The following CSMD1 variants were observed in gnomAD, a reference collection of about 807,000 sequenced individuals.
CSMD1 encodes CUB and sushi domain-containing protein 1.
A neutral mutation model predicts 417.5 loss-of-function variants in CSMD1; 213 were observed. That is an observed-to-expected ratio of 0.51 (90% CI 0.46 to 0.57). CSMD1 has a LOEUF of 0.57. Ranked by LOEUF, CSMD1 falls within the 20% of genes least tolerant of loss-of-function variation. CSMD1 has a pLI of 0.00. For missense variants in CSMD1, 6,923 were observed against 4,529.7 expected (o/e 1.53, Z -15.17); for synonymous variants, 2,862 against 1,736.8 (o/e 1.65, Z -16.11).
At chr8:4,974,139 C>T (rs1291803079) in intron 1 of CSMD1, among the ~76,000 whole-genome samples, 17 of 152,130 alleles carry the variant, frequency 1.1e-4, no homozygotes, top group African/African-American at 3.6e-4. Flanking sequence ...GCTTCAGCCT[C>T]CCGAGTAGCT....
At chr8:3,602,844 T>G (rs186652809) in intron 8 of CSMD1, among the ~76,000 whole-genome samples, 1 of 152,302 alleles carries the variant, frequency 6.6e-6, no homozygotes, top group East Asian at 1.9e-4. Context: ...TGGGCTTTTG[T>G]TGATAATTCA....
intron 47 of CSMD1, among the ~76,000 whole-genome samples, chr8:3,094,032 A>G (rs1240561021): frequency 6.6e-6 from 1 of 152,114 alleles, no homozygotes; most frequent in African/African-American, 2.4e-5. Flanking sequence ...TGAATTTATG[A>G]TATTTTGAAA....
chr8:3,750,037 T>C (rs559805173), intron 6 of CSMD1, among the ~76,000 whole-genome samples: 16 of 152,288 alleles, frequency 1.1e-4, no homozygotes, highest in African/African-American at 3.6e-4. Flanking sequence ...ATAGTCATTA[T>C]TGAGTTCTTT....
intron 2 of CSMD1, among the ~76,000 whole-genome samples, chr8:4,449,010 G>C (rs961638731): frequency 2.0e-5 from 3 of 152,130 alleles, no homozygotes; most frequent in African/African-American, 7.2e-5. Context: ...TTTATTACTT[G>C]TGTGCGTTCA....
rs1255384780 is a variant in CSMD1 at position 3,509,024 on chromosome 8, A to C, written c.1345-15298T>G. ...ATCCCAGCTTTGTCTCTTGCAAGCT[A>C]TCTGACCTTGGGCAAGACACTGTAT... On this transcript the variant is annotated intron_variant, in intron 10 of 69. Coordinates refer to ENST00000635120, the MANE Select transcript of CSMD1 (RefSeq NM_033225.6). Among the ~76,000 whole-genome samples, 3 of 152,232 alleles carry C rather than the reference A, an allele frequency of 2.0e-5. No individual in the cohort carries two copies. In the East Asian group the frequency reaches 5.8e-4, roughly 29 times the overall value.
chr8:3,161,031 G>A (rs769955546), intron 38 of CSMD1, among the ~76,000 whole-genome samples: 2 of 152,142 alleles, frequency 1.3e-5, no homozygotes, highest in Non-Finnish European at 2.9e-5. Flanking sequence ...ACCTATCAGT[G>A]TCAGTGTCAT....
intron 3 of CSMD1, among the ~76,000 whole-genome samples, chr8:4,250,171 C>A (rs114739546): frequency 2.0e-5 from 3 of 152,172 alleles, no homozygotes; most frequent in African/African-American, 4.8e-5. Flanking sequence ...GAACTGTGAA[C>A]CAATACATTT....
In CSMD1 at chr8:4,353,050, A is replaced by G. The variant is rs559527157; in HGVS notation, c.415+66903T>C. ...CCTGAGTCTTAATATATTAGATTGT[A>G]GAAAGAGTAAAATCAGATATTGTCA... On this transcript the variant is annotated intron_variant, in intron 3 of 69. Transcript: ENST00000635120. Among the ~76,000 whole-genome samples the G allele has an allele frequency of 1.1e-4, 16 of 152,350 alleles. No homozygotes were observed. The South Asian group carries it at 3.3e-3, about 32-fold the overall frequency.
At chr8:3,657,700 TA>T (rs1229829988) in intron 7 of CSMD1, among the ~76,000 whole-genome samples, 2 of 151,950 alleles carry the variant, frequency 1.3e-5, no homozygotes, top group African/African-American at 4.8e-5. Context: ...TGTCAGTGGG[TA>T]GGGGGCTAGG....
At chr8:3,024,572 G>T (rs1267032783) in intron 51 of CSMD1, among the ~76,000 whole-genome samples, 1 of 152,134 alleles carries the variant, frequency 6.6e-6, no homozygotes, top group African/African-American at 2.4e-5. Flanking sequence ...CTCCCAAAGT[G>T]TTGTGATTAT....
chr8:3,598,087 T>C (rs778889830), intron 8 of CSMD1, among the ~76,000 whole-genome samples: 17 of 152,222 alleles, frequency 1.1e-4, no homozygotes, highest in Non-Finnish European at 5.9e-5. Flanking sequence ...CTACCTTATA[T>C]TAATCTTGGG....
chr8:4,036,684 C>A (rs1797634741), intron 3 of CSMD1, among the ~76,000 whole-genome samples: 1 of 152,200 alleles, frequency 6.6e-6, no homozygotes, highest in African/African-American at 2.4e-5. Context: ...CATGAAATTG[C>A]ATTTCTCATT....
At chr8:4,352,262 C>A (rs965581328) in intron 3 of CSMD1, among the ~76,000 whole-genome samples, 1 of 152,160 alleles carries the variant, frequency 6.6e-6, no homozygotes, top group African/African-American at 2.4e-5. Context: ...TGGAAATGAA[C>A]TCACCTGCTC....
chr8:3,366,043 T>C (rs746809680), intron 20 of CSMD1, among the ~76,000 whole-genome samples: 2 of 152,198 alleles, frequency 1.3e-5, no homozygotes, highest in Non-Finnish European at 2.9e-5. Context: ...AAGGAATTTA[T>C]GAGATCTCAA....
intron 52 of CSMD1, among the ~76,000 whole-genome samples, chr8:3,013,884 C>T (rs1808616450): frequency 6.6e-6 from 1 of 152,010 alleles, no homozygotes; most frequent in Admixed American, 6.6e-5. Context: ...TATGGGATTC[C>T]TGGGCGAACA....
At chr8:4,515,587 C>G (rs1034862031) in intron 2 of CSMD1, among the ~76,000 whole-genome samples, 2 of 152,132 alleles carry the variant, frequency 1.3e-5, no homozygotes, top group Non-Finnish European at 2.9e-5. Context: ...GATATACTTG[C>G]CTTACATGAG....
chr8:3,106,748 C>G (rs1441981285), intron 45 of CSMD1, 107 bp from the exon 46 acceptor site: 1 of 559,068 alleles, frequency 1.8e-6, no homozygotes, highest in Non-Finnish European at 3.2e-6. Context: ...ACTTGCAAAT[C>G]TTTTTAGAAA....
At chr8:4,372,053 G>C (rs1046133724) in intron 3 of CSMD1, among the ~76,000 whole-genome samples, 8 of 152,214 alleles carry the variant, frequency 5.3e-5, no homozygotes, top group Non-Finnish European at 1.2e-4. Context: ...GGTCTGGGGT[G>C]AACATGGCAG....
intron 5 of CSMD1, among the ~76,000 whole-genome samples, chr8:3,804,131 C>G (rs980415620): frequency 6.6e-6 from 1 of 151,974 alleles, no homozygotes; most frequent in Non-Finnish European, 1.5e-5. Flanking sequence ...AGGGTTTCAC[C>G]ATGTTGGCCA....
Sources: gnomAD v4.1 joint callset for allele counts (sites outside exome capture counted in the v4.1 genomes callset) on GRCh38, gnomAD v4.1.1 for gene constraint, MANE v1.5 for transcripts, NCBI Gene and HGNC (gene_info 2026-07-23, HGNC 2026-07-21) for gene names.